The following APTX variants were observed in gnomAD, a reference collection of about 807,000 sequenced individuals.
APTX encodes aprataxin.
In APTX, 33 loss-of-function variants were observed where a neutral mutation model predicts 42.3. The ratio of observed to expected loss-of-function variants is 0.78; its 90% CI spans 0.59 to 1.04. The LOEUF (loss-of-function observed/expected upper bound fraction) is 1.04. Ranked by LOEUF, APTX falls within the 50% of genes least tolerant of loss-of-function variation. APTX has a pLI of 0.00. For synonymous variants in APTX, 130 were observed against 146.7 expected (o/e 0.89, Z 0.82); for missense variants, 421 against 415.1 (o/e 1.01, Z -0.12).
intron 6 of APTX, among the ~76,000 whole-genome samples, chr9:32,978,521 G>A (rs555132223): frequency 6.6e-6 from 1 of 152,270 alleles, no homozygotes; most frequent in South Asian, 2.1e-4. Context: ...AGGTCAAGGA[G>A]AAATTTTGCT....
intron 4 of APTX, chr9:32,986,292 C>T: frequency 3.7e-6 from 2 of 534,226 alleles, no homozygotes; most frequent in South Asian, 1.7e-5. Context: ...ACTGCAACCT[C>T]CGAAGTGATT....
intron 1 of APTX, among the ~76,000 whole-genome samples, chr9:32,996,065 G>A (rs935500730): frequency 6.6e-6 from 1 of 152,008 alleles, no homozygotes; most frequent in African/African-American, 2.4e-5. Flanking sequence ...TTTAATTAAG[G>A]TGTGTACATT....
chr9:33,021,552 G>A (rs1838384726), intron 1 of APTX, among the ~76,000 whole-genome samples: 1 of 152,210 alleles, frequency 6.6e-6, no homozygotes, highest in Non-Finnish European at 1.5e-5. Context: ...GCCAGGTGTG[G>A]TGGCTCACGC....
At chr9:32,986,179 A>G (rs1223098569) in intron 4 of APTX, 149 bp from the exon 5 acceptor site, 1 of 816,528 alleles carries the variant, frequency 1.2e-6, no homozygotes, top group East Asian at 2.4e-5. Flanking sequence ...ATTAAACAAG[A>G]TTCACTTGAC....
At chr9:33,005,435 GTTT>G (rs767535259), upstream of APTX, among the ~76,000 whole-genome samples, 8 of 149,794 alleles carry the variant, frequency 5.3e-5, no homozygotes, top group Non-Finnish European at 1.2e-4. Context: ...TTTGTTTTTT[GTTT>G]TTGTTTTTGT....
intron 1 of APTX, among the ~76,000 whole-genome samples, chr9:33,022,804 T>TA (rs1838494872): frequency 6.6e-6 from 1 of 152,198 alleles, no homozygotes; most frequent in African/African-American, 2.4e-5. Context: ...TTTTTTTATT[T>TA]TATTTTACGT....
chr9:33,017,918 A>C, intron 1 of APTX, among the ~76,000 whole-genome samples: 1 of 140,584 alleles, frequency 7.1e-6, no homozygotes, highest in South Asian at 2.3e-4. Context: ...TAGTTGCCCT[A>C]GCAACCAGCG....
chr9:32,991,380 T>C (rs1317414132), intron 1 of APTX, among the ~76,000 whole-genome samples: 1 of 152,030 alleles, frequency 6.6e-6, no homozygotes, highest in Non-Finnish European at 1.5e-5. Context: ...AGAAGAGAGA[T>C]GAGACCTCAA....
intron 7 of APTX, 104 bp downstream of exon 7, chr9:32,974,354 C>G: frequency 6.4e-6 from 5 of 780,004 alleles, no homozygotes; most frequent in South Asian, 2.9e-5. Context: ...CAAAGTTGTA[C>G]ATAGGTTTTT....
chr9:33,020,025 T>A (rs758930467), intron 1 of APTX: 1 of 400,996 alleles, frequency 2.5e-6, no homozygotes, highest in Non-Finnish European at 4.5e-6. Flanking sequence ...GTGGGGGAGC[T>A]CCGCTGGCCG....
At chr9:32,988,414 C>A (rs1217806492) in intron 2 of APTX, among the ~76,000 whole-genome samples, 3 of 152,182 alleles carry the variant, frequency 2.0e-5, no homozygotes, top group Non-Finnish European at 4.4e-5. Flanking sequence ...ACAAGTTTCC[C>A]TATTCCAGAA....
Position 33,024,551 on chromosome 9 carries a change from G to A in APTX, c.-5+472C>T, listed in dbSNP as rs78607021. ...CTGTAGCCAAACTGGGTGAAAACCT[G>A]ACCAGAGGAGTCCACGGCCCTCTGT... On this transcript the variant is annotated intron_variant, in intron 1 of 6. Coordinates refer to the APTX transcript ENST00000436040. Among the ~76,000 whole-genome samples, 745 of 152,248 alleles carry A rather than the reference G, an allele frequency of 4.9e-3. 8 individuals are homozygous for A. The highest frequency in any genetic ancestry group is 0.017 in the African/African-American group (721 of 41,550).
chr9:33,014,580 T>C (rs17324735), intron 1 of APTX, among the ~76,000 whole-genome samples: 10,518 of 151,808 alleles, frequency 0.069, 504 homozygotes, highest in Non-Finnish European at 0.11. Flanking sequence ...GACATCAGGT[T>C]TTGGTAATCA....
At chr9:32,994,975 T>C (rs1004655086) in intron 1 of APTX, among the ~76,000 whole-genome samples, 1 of 152,254 alleles carries the variant, frequency 6.6e-6, no homozygotes, top group Non-Finnish European at 1.5e-5. Context: ...TGACTGAATA[T>C]TTTAAGATCT....
chr9:32,988,532 T>C (rs1468050951), intron 2 of APTX, among the ~76,000 whole-genome samples: 1 of 151,530 alleles, frequency 6.6e-6, no homozygotes, highest in African/African-American at 2.4e-5. Context: ...ATACAAAAAT[T>C]AGCCAGGTGT....
At chr9:33,015,856 A>G (rs1025128047) in intron 1 of APTX, 1 of 152,110 alleles carries the variant, frequency 6.6e-6, no homozygotes, top group Non-Finnish European at 1.5e-5. Context: ...CCCTTCATCA[A>G]TTTTTTTCTG....
At position 32,984,656 on chromosome 9, in the gene APTX, C is replaced by A; in HGVS notation, c.745G>T (p.Gly249Cys). Residue 249 changes from glycine (G) to cysteine (C), a missense_variant, in exon 6 of 8, where the codon GGC becomes TGC. Coordinates refer to ENST00000379817, the MANE Select transcript of APTX (RefSeq NM_001195248.2). ...CTCATACTCGGAATGGCGTGGTAGCCCAATCGGAAGCGGAGTTTGCTGGAC... is the reference window on the plus strand; with the variant it reads ...CTCATACTCGGAATGGCGTGGTAGCACAATCGGAAGCGGAGTTTGCTGGAC... ...AGSSKLRFRL[G>C]YHAIPSMSHV... 1 of 1,614,156 alleles carries A rather than the reference C, an allele frequency of 6.2e-7. No individual in the cohort carries two copies. The highest frequency in any genetic ancestry group is 8.5e-7 in the Non-Finnish European group (1 of 1,180,032).
intron 1 of APTX, among the ~76,000 whole-genome samples, chr9:33,017,694 G>A (rs1838000150): frequency 6.6e-6 from 1 of 152,172 alleles, no homozygotes; most frequent in Non-Finnish European, 1.5e-5. Context: ...GTTTGGGGAA[G>A]GGATACGGAC....
intron 1 of APTX, among the ~76,000 whole-genome samples, chr9:33,012,702 C>T (rs1167722732): frequency 6.6e-6 from 1 of 152,176 alleles, no homozygotes. Flanking sequence ...CTACACAGAA[C>T]AGAGATGCAC....
Sources: gnomAD v4.1 joint callset for allele counts (sites outside exome capture counted in the v4.1 genomes callset) on GRCh38, gnomAD v4.1.1 for gene constraint, MANE v1.5 for transcripts, NCBI Gene and HGNC (gene_info 2026-07-23, HGNC 2026-07-21) for gene names.